The following LCLAT1 variants were observed in gnomAD, a reference collection of about 807,000 sequenced individuals.
LCLAT1 encodes 1-AGP acyltransferase 8.
A neutral mutation model predicts 30.7 loss-of-function variants in LCLAT1; 11 were observed. The observed-to-expected ratio is 0.36, with a 90% CI of 0.23 to 0.59. LCLAT1 has a LOEUF of 0.59. Among genes scored for constraint, LCLAT1 ranks in the 20% least tolerant of loss-of-function variants. The probability of loss-of-function intolerance (pLI) is 0.77; values close to 1 mark genes in which losing one functional copy is unlikely to be tolerated. For missense variants in LCLAT1, 402 were observed against 458.6 expected (o/e 0.88, Z 1.13); for synonymous variants, 155 against 151.3 (o/e 1.02, Z -0.18).
At chr2:30,447,506 C>G (rs1474507353) in intron 1 of LCLAT1, 123 bp downstream of exon 1, 4 of 152,236 alleles carry the variant, frequency 2.6e-5, no homozygotes, top group Non-Finnish European at 5.9e-5. Context: ...ATGGACCTTC[C>G]CCGGGCCGCG....
At chr2:30,509,555 T>A (rs964129471) in intron 1 of LCLAT1, among the ~76,000 whole-genome samples, 2 of 151,958 alleles carry the variant, frequency 1.3e-5, no homozygotes, top group African/African-American at 4.8e-5. Context: ...TATTTCAGGA[T>A]TAGGTCAAAG....
At chr2:30,585,489 C>A (rs934338622) in intron 5 of LCLAT1, among the ~76,000 whole-genome samples, 48 of 152,146 alleles carry the variant, frequency 3.2e-4, no homozygotes, top group African/African-American at 1.1e-3. Flanking sequence ...ATAACTCATG[C>A]CAGTTCCATG....
chr2:30,543,329 T>A (rs1664243129), intron 3 of LCLAT1, among the ~76,000 whole-genome samples: 1 of 152,208 alleles, frequency 6.6e-6, no homozygotes, highest in African/African-American at 2.4e-5. Flanking sequence ...TTAACCTTTT[T>A]AATGTATTTT....
At chr2:30,577,823 T>TG (rs1304121241) in intron 5 of LCLAT1, among the ~76,000 whole-genome samples, 1 of 152,160 alleles carries the variant, frequency 6.6e-6, no homozygotes, top group Non-Finnish European at 1.5e-5. Flanking sequence ...TCTTTGACCA[T>TG]GGCCATTATC....
intron 5 of LCLAT1, among the ~76,000 whole-genome samples, chr2:30,578,482 C>CAA (rs1372802445): frequency 6.6e-6 from 1 of 152,078 alleles, no homozygotes; most frequent in Admixed American, 6.6e-5. Flanking sequence ...GAAGTTAAGG[C>CAA]AAAACGGTCT....
chr2:30,521,388 G>A (rs1165317492), intron 1 of LCLAT1, among the ~76,000 whole-genome samples: 1 of 150,842 alleles, frequency 6.6e-6, no homozygotes, highest in Non-Finnish European at 1.5e-5. Context: ...TTTCTTGGGC[G>A]AGATCCAAGA....
chr2:30,553,737 C>A (rs986955115), intron 3 of LCLAT1, among the ~76,000 whole-genome samples: 32 of 152,112 alleles, frequency 2.1e-4, no homozygotes, highest in Non-Finnish European at 4.0e-4. Context: ...ATGGCGTGAA[C>A]CCGGGAAGCG....
intron 5 of LCLAT1, among the ~76,000 whole-genome samples, chr2:30,576,982 CTAAA>C (rs905364695): frequency 5.2e-4 from 79 of 151,698 alleles, no homozygotes; most frequent in African/African-American, 1.1e-3. Context: ...AAATATGAAA[CTAAA>C]TACAGAAATT....
At chr2:30,492,582 G>GAA (rs201358090) in intron 1 of LCLAT1, among the ~76,000 whole-genome samples, 2 of 125,840 alleles carry the variant, frequency 1.6e-5, no homozygotes, top group Admixed American at 8.0e-5. Flanking sequence ...GAAAAAAAAA[G>GAA]AAAAAAAAAA....
chr2:30,564,750 T>A (rs779275269), intron 4 of LCLAT1, among the ~76,000 whole-genome samples: 7 of 152,236 alleles, frequency 4.6e-5, no homozygotes, highest in Non-Finnish European at 1.0e-4. Context: ...ACTACCATAC[T>A]TAACCTTAAA....
At chr2:30,560,683 G>T (rs1180439267) in intron 3 of LCLAT1, among the ~76,000 whole-genome samples, 1 of 152,102 alleles carries the variant, frequency 6.6e-6, no homozygotes, top group Non-Finnish European at 1.5e-5. Context: ...TTATGTATAT[G>T]TATTATCAGG....
chr2:30,469,845 G>C (rs986855266), intron 1 of LCLAT1, among the ~76,000 whole-genome samples: 1 of 151,834 alleles, frequency 6.6e-6, no homozygotes, highest in Non-Finnish European at 1.5e-5. Context: ...CACCTGCTTC[G>C]GCCTCCCAAA....
intron 1 of LCLAT1, among the ~76,000 whole-genome samples, chr2:30,515,256 T>C (rs1023245108): frequency 2.0e-5 from 3 of 152,226 alleles, no homozygotes; most frequent in African/African-American, 4.8e-5. Flanking sequence ...TTAACACCTG[T>C]TGCATACCTC....
At chr2:30,614,396 A>G (rs948300293) in intron 5 of LCLAT1, among the ~76,000 whole-genome samples, 1 of 151,782 alleles carries the variant, frequency 6.6e-6, no homozygotes, top group Non-Finnish European at 1.5e-5. Flanking sequence ...ACTTCTTTCT[A>G]CACAGACACA....
intron 1 of LCLAT1, among the ~76,000 whole-genome samples, chr2:30,467,113 C>T (rs922353732): frequency 2.6e-5 from 4 of 152,102 alleles, no homozygotes; most frequent in Admixed American, 6.5e-5. Flanking sequence ...CGACAGGCCC[C>T]GATGTGTGAT....
At chr2:30,603,789 G>A (rs1044063594) in intron 5 of LCLAT1, among the ~76,000 whole-genome samples, 8 of 152,106 alleles carry the variant, frequency 5.3e-5, no homozygotes, top group African/African-American at 1.9e-4. Flanking sequence ...AGGGTTCCAG[G>A]AAGAATGGCC....
At chr2:30,502,223 GTGTT>G (rs1402003594) in intron 1 of LCLAT1, among the ~76,000 whole-genome samples, 3 of 152,020 alleles carry the variant, frequency 2.0e-5, no homozygotes, top group Non-Finnish European at 4.4e-5. Context: ...TGCTTTGCTT[GTGTT>G]TGTTCTTGTT....
At chr2:30,507,948 A>G (rs540716311) in intron 1 of LCLAT1, among the ~76,000 whole-genome samples, 2 of 152,284 alleles carry the variant, frequency 1.3e-5, no homozygotes, top group African/African-American at 4.8e-5. Context: ...CAACCTCGTC[A>G]GCACCTGTTA....
intron 1 of LCLAT1, among the ~76,000 whole-genome samples, chr2:30,503,987 A>C (rs1684528797): frequency 6.6e-6 from 1 of 152,070 alleles, no homozygotes; most frequent in African/African-American, 2.4e-5. Flanking sequence ...GTCACAGGAG[A>C]TGTGAGGTCT....
Sources: allele counts gnomAD v4.1 joint callset (sites outside exome capture counted in the v4.1 genomes callset), GRCh38; gene constraint gnomAD v4.1.1; transcripts MANE v1.5; gene names NCBI Gene and HGNC (gene_info 2026-07-23, HGNC 2026-07-21).